Variants in ZCWPW2 observed in about 807,000 individuals in gnomAD.
The protein encoded by ZCWPW2 is zinc finger CW-type PWWP domain protein 2.
ZCWPW2 carries 45 observed loss-of-function variants against 46.6 expected under a neutral mutation model. The observed-to-expected ratio is 0.96, with a 90% CI of 0.76 to 1.24. The LOEUF (loss-of-function observed/expected upper bound fraction) is 1.24. Ranked by LOEUF, ZCWPW2 falls within the 50% of genes most tolerant of loss-of-function variation. ZCWPW2 has a pLI of 0.00. For missense variants in ZCWPW2, 429 were observed against 403.9 expected (o/e 1.06, Z -0.53); for synonymous variants, 152 against 137.1 (o/e 1.11, Z -0.76).
chr3:28,487,170 C>G (rs1199153287), intron 5 of ZCWPW2, among the ~76,000 whole-genome samples: 1 of 151,966 alleles, frequency 6.6e-6, no homozygotes, highest in African/African-American at 2.4e-5. Flanking sequence ...GGGAAATTAT[C>G]AGTTATTATT....
chr3:28,468,112 AAG>A (rs370424631), intron 4 of ZCWPW2, among the ~76,000 whole-genome samples: 1 of 152,146 alleles, frequency 6.6e-6, no homozygotes, highest in South Asian at 2.1e-4. Flanking sequence ...TAATTGAAGA[AAG>A]AGATTGAAAT....
At chr3:28,421,938 A>G (rs1696810220) in intron 3 of ZCWPW2, among the ~76,000 whole-genome samples, 1 of 151,340 alleles carries the variant, frequency 6.6e-6, no homozygotes, top group Non-Finnish European at 1.5e-5. Context: ...TTCTCAAAGT[A>G]TCAAAAATAT....
chr3:28,427,258 G>T (rs1697054052), intron 3 of ZCWPW2, among the ~76,000 whole-genome samples: 1 of 152,186 alleles, frequency 6.6e-6, no homozygotes, highest in South Asian at 2.1e-4. Context: ...CATTATCATG[G>T]TTGACAGTGT....
intron 4 of ZCWPW2, among the ~76,000 whole-genome samples, chr3:28,452,230 C>T (rs900750327): frequency 6.6e-6 from 1 of 152,118 alleles, no homozygotes; most frequent in Non-Finnish European, 1.5e-5. Flanking sequence ...TAGTGCTTGA[C>T]CTAAGACAAG....
chr3:28,512,862 C>A (rs1308919667), intron 6 of ZCWPW2, among the ~76,000 whole-genome samples: 2 of 151,816 alleles, frequency 1.3e-5, no homozygotes, highest in Non-Finnish European at 2.9e-5. Context: ...AGTTTCTAAT[C>A]CATTTTAACC....
chr3:28,478,312 C>T (rs1288838669), intron 4 of ZCWPW2: 2 of 325,536 alleles, frequency 6.1e-6, no homozygotes, highest in East Asian at 1.3e-4. Flanking sequence ...GGCACAATCT[C>T]GCATCACTGC....
chr3:28,522,018 G>C (rs978280117), intron 9 of ZCWPW2, among the ~76,000 whole-genome samples: 1 of 152,018 alleles, frequency 6.6e-6, no homozygotes, highest in Admixed American at 6.6e-5. Context: ...GATTAAATTT[G>C]GTAACAAACA....
intron 1 of ZCWPW2, among the ~76,000 whole-genome samples, chr3:28,380,964 A>ATTTGG (rs1695045296): frequency 2.8e-5 from 1 of 36,002 alleles, no homozygotes; most frequent in Non-Finnish European, 4.9e-5. Context: ...ATATATATAT[A>ATTTGG]TATATATTTG....
At chr3:28,352,539 T>C (rs909298465) in intron 1 of ZCWPW2, among the ~76,000 whole-genome samples, 12 of 152,170 alleles carry the variant, frequency 7.9e-5, no homozygotes, top group African/African-American at 2.9e-4. Flanking sequence ...GATGAATGAG[T>C]AGTTAACTCT....
At chr3:28,357,819 A>ATATC (rs1334633564) in intron 1 of ZCWPW2, among the ~76,000 whole-genome samples, 1 of 147,460 alleles carries the variant, frequency 6.8e-6, no homozygotes, top group Non-Finnish European at 1.5e-5. Context: ...ATATATATAT[A>ATATC]TCTCCATACA....
intron 2 of ZCWPW2, among the ~76,000 whole-genome samples, chr3:28,406,829 T>C (rs1283895182): frequency 1.4e-5 from 2 of 145,888 alleles, no homozygotes; most frequent in African/African-American, 5.0e-5. Flanking sequence ...TTTTTTTCTT[T>C]TTTTTTTTTT....
chr3:28,427,309 C>T (rs1327462311), intron 3 of ZCWPW2, among the ~76,000 whole-genome samples: 1 of 152,174 alleles, frequency 6.6e-6, no homozygotes, highest in Non-Finnish European at 1.5e-5. Context: ...AAAAAGTGGA[C>T]ATCAGCTTTC....
chr3:28,363,284 A>G (rs1705008924), intron 1 of ZCWPW2, among the ~76,000 whole-genome samples: 1 of 152,186 alleles, frequency 6.6e-6, no homozygotes, highest in Non-Finnish European at 1.5e-5. Flanking sequence ...TTTAATAATA[A>G]CGCAATGACA....
At chr3:28,493,282 A>G (rs1222901075) in intron 6 of ZCWPW2, among the ~76,000 whole-genome samples, 2 of 118,680 alleles carry the variant, frequency 1.7e-5, no homozygotes, top group Admixed American at 1.7e-4. Flanking sequence ...TATATCTCCC[A>G]ATGCTATCCC....
rs190144492 is a variant in ZCWPW2 at position 28,399,506 on chromosome 3, A to C, written c.-14+8889A>C. On this transcript the variant is annotated intron_variant, in intron 2 of 9. Coordinates refer to ENST00000383768, the MANE Select transcript of ZCWPW2 (RefSeq NM_001040432.4). ...CAAAAGTAGTGCATTAAACCACTGA[A>C]GCTAAGGAACCTCCCAGAGTCCATT... Among the ~76,000 whole-genome samples, 6 of 152,290 alleles carry C rather than the reference A, an allele frequency of 3.9e-5. No homozygotes were observed. The East Asian group carries it at 1.2e-3, about 29-fold the overall frequency.
rs1700836104 is a variant in ZCWPW2, at chr3:28,525,959, G to A, written c.*1271G>A. Among the ~76,000 whole-genome samples, 1 of 152,072 alleles carries A rather than the reference G, an allele frequency of 6.6e-6. No individual in the cohort carries two copies. Among genetic ancestry groups the A allele is most frequent in the African/African-American group, 2.4e-5 (1 of 41,410 alleles). On this transcript the variant is annotated 3_prime_UTR_variant, in exon 10 of 10. Transcript: ENST00000383768. ...AAGTCATATAACCAGTAAATAGAAG[G>A]CCTGGAAGTTGAGTACATCTCTGTC...
At chr3:28,461,092 A>G (rs1281483451) in intron 4 of ZCWPW2, 1 of 180,156 alleles carries the variant, frequency 5.6e-6, no homozygotes, top group Non-Finnish European at 1.2e-5. Context: ...GATTGTAAGT[A>G]TGTGTGATTC....
chr3:28,502,074 G>A (rs140634390), intron 6 of ZCWPW2, among the ~76,000 whole-genome samples: 1 of 152,084 alleles, frequency 6.6e-6, no homozygotes, highest in Non-Finnish European at 1.5e-5. Context: ...AAAATCTGTA[G>A]AGGGAAACTG....
chr3:28,521,437 A>G (rs1343913257), intron 9 of ZCWPW2, among the ~76,000 whole-genome samples: 1 of 152,176 alleles, frequency 6.6e-6, no homozygotes, highest in African/African-American at 2.4e-5. Context: ...CTTGCTGCCA[A>G]TCTTTACAGT....
Sources: gnomAD v4.1 joint callset for allele counts (sites outside exome capture counted in the v4.1 genomes callset) on GRCh38, gnomAD v4.1.1 for gene constraint, MANE v1.5 for transcripts, NCBI Gene and HGNC (gene_info 2026-07-23, HGNC 2026-07-21) for gene names.